PCDHGA4: variants seen among roughly 807,000 people sequenced by gnomAD.
PCDHGA4 encodes the protein protocadherin gamma-A4.
In PCDHGA4, 38 loss-of-function variants were observed where a neutral mutation model predicts 54.6. The observed-to-expected ratio is 0.70, with a 90% CI of 0.54 to 0.91. PCDHGA4 has a LOEUF of 0.91. Among genes scored for constraint, PCDHGA4 ranks in the 40% least tolerant of loss-of-function variants. The pLI, the probability that PCDHGA4 is intolerant of heterozygous loss-of-function variation, is 0.00. For missense variants in PCDHGA4, 1,298 were observed against 1,220.9 expected, an observed-to-expected ratio of 1.06 and a Z score of -0.94; for synonymous variants, 511 against 512.9, an observed-to-expected ratio of 1.00 and a Z score of 0.05.
In PCDHGA4 at chr5:141,489,291, C is replaced by A; in HGVS notation, c.2515-5516C>A. ...TCGCTGGGAAATGGCAAGTGCTGTG[C>A]ATGTTGTCCTTGTGCTGCTGGGGCT... is the stretch of plus-strand genomic sequence containing the variant. On this transcript the variant is annotated intron_variant, in intron 1 of 3. Transcript: ENST00000571252. This position sits in a 1 kb window ranked among gnomAD's most constrained non-coding sequence, Gnocchi z 4.5. 6.3e-7 allele frequency: 1 copy of A among 1,577,628 alleles called. No homozygotes were observed. The highest frequency in any genetic ancestry group is 8.6e-7 in the Non-Finnish European group (1 of 1,161,994).
intron 1 of PCDHGA4, chr5:141,370,503 A>G (rs748568683): frequency 1.2e-6 from 2 of 1,613,814 alleles, no homozygotes; most frequent in Non-Finnish European, 1.7e-6. Flanking sequence ...CCGCTACGCT[A>G]TTCCCGAGGA....
intron 1 of PCDHGA4, among the ~76,000 whole-genome samples, chr5:141,359,079 T>G (rs1279133095): frequency 1.3e-5 from 2 of 151,956 alleles, no homozygotes; most frequent in African/African-American, 4.8e-5. Context: ...CAAAGGAGAG[T>G]TTTAGTTTCT....
At chr5:141,425,391 A>G (rs2096872046) in intron 1 of PCDHGA4, among the ~76,000 whole-genome samples, 1 of 152,238 alleles carries the variant, frequency 6.6e-6, no homozygotes, top group South Asian at 2.1e-4. Flanking sequence ...AGGTAGTGAT[A>G]AAGTTCTGTT....
intron 1 of PCDHGA4, chr5:141,370,668 C>CGA (rs1767111229): frequency 5.0e-6 from 8 of 1,613,644 alleles, no homozygotes; most frequent in Non-Finnish European, 5.9e-6. Context: ...CCGTATAGAC[C>CGA]GAGAGGAGAT....
At chr5:141,411,215 A>C (rs1202378654) in intron 1 of PCDHGA4, 1 of 152,270 alleles carries the variant, frequency 6.6e-6, no homozygotes, top group Non-Finnish European at 1.5e-5. Context: ...TAACCTATCT[A>C]TTCAAATTTG....
chr5:141,405,529 C>G, intron 1 of PCDHGA4: 1 of 654,350 alleles, frequency 1.5e-6, no homozygotes, highest in Middle Eastern at 4.2e-4. Flanking sequence ...AAGCGATTCT[C>G]CTGCCTCAGC....
In PCDHGA4 at chr5:141,389,374, G is replaced by A. The variant is rs192606668; in HGVS notation, c.2514+31753G>A. On this transcript the variant is annotated intron_variant, in intron 1 of 3. Coordinates refer to ENST00000571252, the MANE Select transcript of PCDHGA4 (RefSeq NM_018917.4). Reference sequence around the variant, plus strand: ...ATCATGGCCAGTGACCTGGAGCAGCGGGAGCTGTCATCCTACGTGTCCATA... The same window carrying A: ...ATCATGGCCAGTGACCTGGAGCAGCAGGAGCTGTCATCCTACGTGTCCATA... 1,030 of 1,613,784 alleles carry A rather than the reference G, an allele frequency of 6.4e-4. 16 individuals are homozygous for A. The East Asian group carries it at 0.021, about 33-fold the overall frequency.
chr5:141,433,289 G>A, intron 1 of PCDHGA4: 1 of 1,130,682 alleles, frequency 8.8e-7, no homozygotes, highest in Non-Finnish European at 1.3e-6. Flanking sequence ...AAACTCCTAG[G>A]CTCAAGCAAT....
In PCDHGA4 at chr5:141,407,982, G is replaced by C. The variant is rs976187867; in HGVS notation, c.2514+50361G>C. On this transcript the variant is annotated intron_variant, in intron 1 of 3. Coordinates refer to ENST00000571252, the MANE Select transcript of PCDHGA4 (RefSeq NM_018917.4). Reference sequence around the variant, plus strand: ...GAGCAAGCGCTGACGCCGGGGATCCGTCAGCCTCTGGCCTGGGATTCCCTG... The same window carrying C: ...GAGCAAGCGCTGACGCCGGGGATCCCTCAGCCTCTGGCCTGGGATTCCCTG... 1.5e-4 allele frequency: 114 copies of C among 783,006 alleles called. 1 individual carries two copies. Among genetic ancestry groups the C allele is most frequent in the African/African-American group, 9.1e-4 (52 of 57,436 alleles). The allele number at this position is 783,006 out of a possible 1,614,324, so 48.5% of individuals were successfully genotyped here.
chr5:141,436,973 T>C (rs1209787552), intron 1 of PCDHGA4, among the ~76,000 whole-genome samples: 1 of 152,234 alleles, frequency 6.6e-6, no homozygotes, highest in Non-Finnish European at 1.5e-5. Context: ...TTGTGAAACT[T>C]ATTTTAAAGA....
At position 141,432,688 on chromosome 5, in the gene PCDHGA4, A is replaced by G. The variant is rs143889434; in HGVS notation, c.2515-62119A>G. On this transcript the variant is annotated intron_variant, in intron 1 of 3. Coordinates refer to ENST00000571252, the MANE Select transcript of PCDHGA4 (RefSeq NM_018917.4). The surrounding 1 kb of genome is among the most constrained non-coding windows in gnomAD (Gnocchi z 6.0). ...GAGACGCGCTCAAGCAGAGCCTCGT[A>G]GTGGCCGTCCAGGACCACGGCCAGC... 2,218 of 1,613,894 alleles carry G rather than the reference A, an allele frequency of 1.4e-3. 31 individuals are homozygous for G. The African/African-American group carries it at 0.023, about 17-fold the overall frequency.
At chr5:141,403,168 G>T in intron 1 of PCDHGA4, 14 of 1,614,032 alleles carry the variant, frequency 8.7e-6, no homozygotes, top group African/African-American at 1.3e-5. Flanking sequence ...GAGGTAGGAC[G>T]CAGCTTTTCT....
chr5:141,370,623 G>A (rs1269464778), intron 1 of PCDHGA4: 3 of 1,613,940 alleles, frequency 1.9e-6, no homozygotes, highest in East Asian at 2.2e-5. Flanking sequence ...ATTCTTTACC[G>A]TGAGCCCCGA....
chr5:141,500,365 C>T (rs888624200), intron 2 of PCDHGA4, among the ~76,000 whole-genome samples: 5 of 151,956 alleles, frequency 3.3e-5, no homozygotes, highest in South Asian at 2.1e-4. Flanking sequence ...CCCACTACCA[C>T]GCCCGGCTAA....
chr5:141,389,341 C>G, intron 1 of PCDHGA4: 1 of 1,614,016 alleles, frequency 6.2e-7, no homozygotes, highest in East Asian at 2.2e-5. Context: ...GGCCAAGTCT[C>G]TTACTGCATC....
intron 1 of PCDHGA4, chr5:141,376,844 G>C (rs897403160): frequency 1.7e-5 from 4 of 242,114 alleles, no homozygotes; most frequent in Non-Finnish European, 3.2e-5. Context: ...CCGCCACCGC[G>C]CCCGGCTAAT....
intron 1 of PCDHGA4, chr5:141,423,880 G>T: frequency 7.8e-7 from 1 of 1,282,292 alleles, no homozygotes; most frequent in Non-Finnish European, 9.9e-7. Flanking sequence ...TTTCAATCTT[G>T]GCATATTTTC....
At chr5:141,421,189 C>G in intron 1 of PCDHGA4, 1 of 1,477,674 alleles carries the variant, frequency 6.8e-7, no homozygotes, top group Non-Finnish European at 9.0e-7. Flanking sequence ...CACAACCAAC[C>G]AGCTCGAGAA....
chr5:141,412,396 A>G (rs2095553141), intron 1 of PCDHGA4: 1 of 152,216 alleles, frequency 6.6e-6, no homozygotes, highest in Non-Finnish European at 1.5e-5. Flanking sequence ...TTTAACTTGT[A>G]TCCCTGTAAG....
Sources: allele counts gnomAD v4.1 joint callset (sites outside exome capture counted in the v4.1 genomes callset), GRCh38; gene constraint gnomAD v4.1.1; non-coding constraint Gnocchi (gnomAD v3.1); transcripts MANE v1.5; gene names NCBI Gene and HGNC (gene_info 2026-07-23, HGNC 2026-07-21).